PPARGC1A: variants seen among roughly 807,000 people sequenced by gnomAD.
PPARGC1A encodes peroxisome proliferator-activated receptor gamma coactivator 1-alpha.
Under a neutral mutation model 88.7 loss-of-function variants are expected in PPARGC1A, and 25 were observed. The observed-to-expected ratio is 0.28, with a 90% CI of 0.21 to 0.39. The LOEUF is 0.39. Among genes scored for constraint, PPARGC1A ranks in the 10% least tolerant of loss-of-function variants. The pLI is 1.00. For missense variants in PPARGC1A, 880 were observed against 968.7 expected, an observed-to-expected ratio of 0.91 and a Z score of 1.22; for synonymous variants, 363 against 355.6, an observed-to-expected ratio of 1.02 and a Z score of -0.24.
chr4:23,950,456 G>A, the PPARGC1A span, among the ~76,000 whole-genome samples: 1 of 152,092 alleles, frequency 6.6e-6, no homozygotes, highest in Non-Finnish European at 1.5e-5. Context: ...ATCGGTCGAT[G>A]CAAGTAAAAG....
intron 12 of PPARGC1A, among the ~76,000 whole-genome samples, chr4:23,799,116 C>A (rs1718173110): frequency 6.6e-6 from 1 of 152,096 alleles, no homozygotes; most frequent in African/African-American, 2.4e-5. Flanking sequence ...TGTGTATGCT[C>A]CTAACCCCTG....
At chr4:24,251,657 C>G in the PPARGC1A span, among the ~76,000 whole-genome samples, 2 of 152,176 alleles carry the variant, frequency 1.3e-5, no homozygotes, top group Non-Finnish European at 2.9e-5. Context: ...CACACATCAT[C>G]TAATTTAGTC....
At chr4:23,929,947 A>G in the PPARGC1A span, among the ~76,000 whole-genome samples, 2 of 152,162 alleles carry the variant, frequency 1.3e-5, no homozygotes, top group African/African-American at 4.8e-5. Context: ...CTGAGTGTTA[A>G]CAGACCATAA....
At chr4:24,342,469 A>G in the PPARGC1A span, among the ~76,000 whole-genome samples, 36 of 152,114 alleles carry the variant, frequency 2.4e-4, no homozygotes, top group African/African-American at 7.2e-4. Flanking sequence ...TCCCTTATCT[A>G]TTACACTAAC....
At chr4:24,462,780 A>G in the PPARGC1A span, among the ~76,000 whole-genome samples, 1 of 150,980 alleles carries the variant, frequency 6.6e-6, no homozygotes, top group African/African-American at 2.4e-5. Context: ...CTGTCACATC[A>G]GTAGGAACTC....
At chr4:24,064,118 G>A in the PPARGC1A span, among the ~76,000 whole-genome samples, 2 of 152,184 alleles carry the variant, frequency 1.3e-5, no homozygotes, top group African/African-American at 2.4e-5. Flanking sequence ...GCTCTGAAGA[G>A]GAGCACAGAC....
the PPARGC1A span, among the ~76,000 whole-genome samples, chr4:24,257,898 T>C: frequency 6.6e-6 from 1 of 152,296 alleles, no homozygotes; most frequent in African/African-American, 2.4e-5. Flanking sequence ...CTTATATTTA[T>C]ATCCATGGTT....
At chr4:24,125,736 GA>G in the PPARGC1A span, among the ~76,000 whole-genome samples, 1 of 152,176 alleles carries the variant, frequency 6.6e-6, no homozygotes, top group Non-Finnish European at 1.5e-5. Context: ...GAGAAAGAGA[GA>G]GACCTCATAC....
chr4:23,984,672 A>G, the PPARGC1A span, among the ~76,000 whole-genome samples: 1 of 152,096 alleles, frequency 6.6e-6, no homozygotes, highest in East Asian at 1.9e-4. Context: ...TCATTTTTCA[A>G]AAAAGGCTTT....
At chr4:24,009,787 G>C in the PPARGC1A span, among the ~76,000 whole-genome samples, 1 of 152,218 alleles carries the variant, frequency 6.6e-6, no homozygotes, top group African/African-American at 2.4e-5. Context: ...CCAGCAATGG[G>C]ATATTTCCCT....
chr4:23,996,312 T>C, the PPARGC1A span, among the ~76,000 whole-genome samples: 1 of 152,206 alleles, frequency 6.6e-6, no homozygotes, highest in African/African-American at 2.4e-5. Flanking sequence ...AATTCAGGTA[T>C]GATGCTGGGG....
chr4:23,881,321 C>T (rs1334636034), intron 2 of PPARGC1A: 2 of 152,174 alleles, frequency 1.3e-5, no homozygotes, highest in Non-Finnish European at 2.9e-5. Context: ...TGCATTTACA[C>T]ATCCAAACAC....
At chr4:24,010,103 G>A in the PPARGC1A span, among the ~76,000 whole-genome samples, 152 of 152,294 alleles carry the variant, frequency 1.0e-3, 1 homozygote, top group African/African-American at 3.0e-3. Context: ...GATTTCATTA[G>A]ACCTGCAGTC....
chr4:23,905,600 G>C (rs1428734738), upstream of PPARGC1A, among the ~76,000 whole-genome samples: 1 of 152,170 alleles, frequency 6.6e-6, no homozygotes, highest in African/African-American at 2.4e-5. Flanking sequence ...TACAGAAATA[G>C]CATCCAGCAT....
the PPARGC1A span, among the ~76,000 whole-genome samples, chr4:24,149,605 T>C: frequency 6.6e-6 from 1 of 152,146 alleles, no homozygotes; most frequent in Non-Finnish European, 1.5e-5. Context: ...CTGATGTGAA[T>C]GAGCTGTGCA....
upstream of PPARGC1A, chr4:23,890,192 C>T (rs941272160): frequency 5.3e-6 from 4 of 756,968 alleles, no homozygotes; most frequent in Admixed American, 1.7e-4. Context: ...CAAAGGCAGC[C>T]CTCTGCTTCA....
chr4:24,338,267 A>G, the PPARGC1A span, among the ~76,000 whole-genome samples: 3 of 152,200 alleles, frequency 2.0e-5, no homozygotes, highest in Admixed American at 2.0e-4. Context: ...TAGAATACAA[A>G]AGCAAAGGTT....
chr4:24,285,256 C>A, the PPARGC1A span, among the ~76,000 whole-genome samples: 1 of 152,126 alleles, frequency 6.6e-6, no homozygotes, highest in Non-Finnish European at 1.5e-5. Flanking sequence ...AAGCCTGTAT[C>A]CATCAAGTCC....
At chr4:24,018,378 A>T in the PPARGC1A span, among the ~76,000 whole-genome samples, 1 of 152,178 alleles carries the variant, frequency 6.6e-6, no homozygotes, top group Admixed American at 6.5e-5. Context: ...CAGATAAGTC[A>T]TATTTTGAAA....
Sources: gnomAD v4.1 joint callset for allele counts (sites outside exome capture counted in the v4.1 genomes callset) on GRCh38, gnomAD v4.1.1 for gene constraint, MANE v1.5 for transcripts, NCBI Gene and HGNC (gene_info 2026-07-23, HGNC 2026-07-21) for gene names.